The following TSEN54 variants were observed in gnomAD, a reference collection of about 807,000 sequenced individuals.
TSEN54 encodes tRNA splicing endonuclease subunit 54.
Under a neutral mutation model 61.9 loss-of-function variants are expected in TSEN54, and 55 were observed. That is an observed-to-expected ratio of 0.89 (90% CI 0.72 to 1.11). The LOEUF (loss-of-function observed/expected upper bound fraction) is 1.11, where lower values mean the gene tolerates loss of function less well. Among genes scored for constraint, TSEN54 ranks in the 50% most tolerant of loss-of-function variants. The probability of loss-of-function intolerance (pLI) is 0.00; values close to 1 mark genes in which losing one functional copy is unlikely to be tolerated. For missense variants in TSEN54, 760 were observed against 687.7 expected (o/e 1.11, Z -1.18); for synonymous variants, 304 against 288.7 (o/e 1.05, Z -0.54).
intron 6 of TSEN54, among the ~76,000 whole-genome samples, chr17:75,520,620 C>T (rs1167936130): frequency 6.7e-6 from 1 of 148,736 alleles, no homozygotes; most frequent in East Asian, 2.0e-4. Context: ...CCACCTGTCG[C>T]TAGTGGCTCT....
chr17:75,519,849 A>G (rs1277452808), intron 6 of TSEN54, among the ~76,000 whole-genome samples: 1 of 152,228 alleles, frequency 6.6e-6, no homozygotes, highest in African/African-American at 2.4e-5. Flanking sequence ...CTGGGATTAC[A>G]GGCATGAGTC....
At position 75,521,879 on chromosome 17, in the gene TSEN54, CAGCCCTGGCCCGGCCAGGG is replaced by C; in HGVS notation, c.801_819del (p.Ser267ArgfsTer69). On this transcript the variant is annotated frameshift_variant, in exon 8 of 11. Transcript: ENST00000333213. LOFTEE classifies it high-confidence loss of function. ...TTCAGCTTCTGGGGTCCCTGGGCCC[CAGCCCTGGCCCGGCCAGGG>C]AGGGGGTGGGGTGCAGCTGGGAGAG... is the stretch of plus-strand genomic sequence containing the variant. The C allele has an allele frequency of 6.2e-7, 1 of 1,610,538 alleles. No homozygotes were observed. The highest frequency in any genetic ancestry group is 1.7e-4 in the Middle Eastern group (1 of 6,060).
chr17:75,522,162 C>G lies in TSEN54; in HGVS notation c.1081C>G (p.Gln361Glu). The G allele has an allele frequency of 6.4e-7, 1 of 1,554,448 alleles. No individual in the cohort carries two copies. The highest frequency in any genetic ancestry group is 8.7e-7 in the Non-Finnish European group (1 of 1,147,532). Residue 361 changes from glutamine to glutamate, a missense_variant, in exon 8 of 11, where the codon CAG becomes GAG. This residue lies in a region of TSEN54 where 667 missense variants were observed against 577.8 expected (regional missense o/e 1.15). Transcript: ENST00000333213. Reference protein sequence around the residue: ...REREHHAEAAQFQEDVNADPE... With the variant: ...REREHHAEAAEFQEDVNADPE... ...ACGGGAGCACCACGCGGAGGCCGCGCAGTTCCAGGAAGATGTCAACGCCGA... is the reference window on the plus strand; with the variant it reads ...ACGGGAGCACCACGCGGAGGCCGCGGAGTTCCAGGAAGATGTCAACGCCGA...
chr17:75,519,440 T>C (rs2053405725), intron 6 of TSEN54, among the ~76,000 whole-genome samples: 1 of 152,236 alleles, frequency 6.6e-6, no homozygotes, highest in Non-Finnish European at 1.5e-5. Flanking sequence ...CCAGGTTAAA[T>C]GTTTTTTCCT....
rs781285249 is a variant in TSEN54 at position 75,516,837 on chromosome 17, G to C, written c.148G>C (p.Ala50Pro). ...PKDFLPDGSAAQAERLRRCRE... is the reference protein window; with the variant it reads ...PKDFLPDGSAPQAERLRRCRE... ...GGACTTTCTGCCCGACGGCTCGGCA[G>C]CTCAGGCCGAGCGGCTGCGCCGGTG... The change falls in exon 2 of 11, where the codon GCT becomes CCT. Residue 50 changes from alanine (A) to proline (P), a missense_variant. Physicochemically the swap from Ala to Pro is conservative, Grantham distance 27. This residue lies in a region of TSEN54 where 667 missense variants were observed against 577.8 expected (regional missense o/e 1.15). Transcript: ENST00000333213. 2.1e-5 allele frequency: 33 copies of C among 1,587,650 alleles called. No homozygotes were observed. Among genetic ancestry groups the C allele is most frequent in the East Asian group, 1.6e-4 (7 of 44,360 alleles).
chr17:75,519,784 G>A (rs2147010475), intron 6 of TSEN54, among the ~76,000 whole-genome samples: 1 of 151,948 alleles, frequency 6.6e-6, no homozygotes, highest in South Asian at 2.1e-4. Flanking sequence ...TGTTGCCCAG[G>A]CTGGTCTCGA....
chr17:75,521,588 C>G (rs1475879279), intron 7 of TSEN54, 78 bp downstream of exon 7: 9 of 1,573,392 alleles, frequency 5.7e-6, no homozygotes, highest in Non-Finnish European at 1.7e-6. Context: ...TTTCTAAGAA[C>G]CAGCAGCTCC....
At position 75,518,532 on chromosome 17, in the gene TSEN54, G is replaced by A. The variant is rs777350534; in HGVS notation, c.469-463G>A. 5.2e-4 allele frequency: 513 copies of A among 985,410 alleles called. 2 individuals carry two copies. The Middle Eastern group carries it at 0.01, about 20-fold the overall frequency. The allele number at this position is 985,410 out of a possible 1,614,324, so 61.0% of individuals were successfully genotyped here. ...CAGGATGGGGGACATTCTTATCTAT[G>A]TTCCTCTGATATGAATGCAGGGACA... On this transcript the variant is annotated intron_variant, in intron 5 of 10. Coordinates refer to ENST00000333213, the MANE Select transcript of TSEN54 (RefSeq NM_207346.3).
In TSEN54 at chr17:75,524,481, C is replaced by T. The variant is rs777761604; in HGVS notation, c.*69C>T. Reference sequence around the variant, plus strand: ...GACTGTCTGTTCTCAGGGACCATCTCGGCTGCCTCCTGTACCCAGACTCTA... The same window carrying T: ...GACTGTCTGTTCTCAGGGACCATCTTGGCTGCCTCCTGTACCCAGACTCTA... On this transcript the variant is annotated 3_prime_UTR_variant, in exon 11 of 11. Coordinates refer to ENST00000333213, the MANE Select transcript of TSEN54 (RefSeq NM_207346.3). The T allele has an allele frequency of 2.5e-6, 4 of 1,595,020 alleles. No individual in the cohort carries two copies. Among genetic ancestry groups the T allele is most frequent in the African/African-American group, 2.7e-5 (2 of 74,654 alleles).
chr17:75,522,325 G>A lies in TSEN54; in HGVS notation c.1244G>A (p.Ser415Asn). 6.5e-7 allele frequency: 1 copy of A among 1,545,174 alleles called. No homozygotes were observed. Among genetic ancestry groups the A allele is most frequent in the Non-Finnish European group, 8.7e-7 (1 of 1,146,832 alleles). ...VTPLLSPGQA[S>N]SPAVVLQHIS... ...CCGCTGCTGAGTCCTGGCCAGGCCA[G>A]CTCCCCAGGTACCCCCTCAGCCTGC... Residue 415 changes from serine to asparagine, a missense_variant, in exon 8 of 11, where the codon AGC becomes AAC. Ser to Asn is a conservative substitution (Grantham distance 46). Transcript: ENST00000333213.
Position 75,517,199 on chromosome 17 carries a change from C to A in TSEN54, c.324C>A (p.Gly108=). Reference sequence around the variant, plus strand: ...AGACCATGGGCTTCTCAGAGCAGGGCCGGCAGCGCCTTCACCCGGAAGAGG... The same window carrying A: ...AGACCATGGGCTTCTCAGAGCAGGGACGGCAGCGCCTTCACCCGGAAGAGG... The part of the protein sequence containing the change: ...FWQTMGFSEQ[G]RQRLHPEEAL... Residue 108 remains glycine (G), a synonymous_variant, in exon 4 of 11, where the codon GGC becomes GGA. Coordinates refer to ENST00000333213, the MANE Select transcript of TSEN54 (RefSeq NM_207346.3). The A allele has an allele frequency of 6.2e-7, 1 of 1,604,720 alleles. No homozygotes were observed. The highest frequency in any genetic ancestry group is 8.5e-7 in the Non-Finnish European group (1 of 1,175,796).
chr17:75,523,425 G>C (rs2053452705), intron 9 of TSEN54, 90 bp downstream of exon 9: 1 of 1,610,368 alleles, frequency 6.2e-7, no homozygotes, highest in Non-Finnish European at 8.5e-7. Flanking sequence ...GTGTAAACTA[G>C]AGGACTGTTC....
chr17:75,519,384 G>A (rs71382170), intron 6 of TSEN54, among the ~76,000 whole-genome samples: 7,084 of 152,278 alleles, frequency 0.047, 238 homozygotes, highest in Non-Finnish European at 0.069. Context: ...TTAAATGAAG[G>A]ACTGGGTGAA....
rs1169200316 is a variant in TSEN54 at position 75,521,392 on chromosome 17, C to T, written c.522-17C>T. The T allele has an allele frequency of 1.9e-6, 3 of 1,611,748 alleles. 1 individual carries two copies. In the South Asian group the frequency reaches 3.3e-5, roughly 18 times the overall value. Reference sequence around the variant, plus strand: ...AGGAGGTGGGTCAGTGGCCCACCCGCTGTTCTCACCCCACAGCTCTGTCCT... The same window carrying T: ...AGGAGGTGGGTCAGTGGCCCACCCGTTGTTCTCACCCCACAGCTCTGTCCT... On this transcript the variant is annotated splice_polypyrimidine_tract_variant and intron_variant, in intron 6 of 10. Transcript: ENST00000333213.
chr17:75,522,448 G>A, intron 8 of TSEN54, 115 bp downstream of exon 8: 2 of 1,521,860 alleles, frequency 1.3e-6, no homozygotes, highest in Non-Finnish European at 1.8e-6. Context: ...GATGTGGGAG[G>A]AGGGAGTGGA....
At position 75,518,474 on chromosome 17, in the gene TSEN54, T is replaced by G. The variant is rs1267162809; in HGVS notation, c.469-521T>G. 6 of 964,434 alleles carry G rather than the reference T, an allele frequency of 6.2e-6. No individual in the cohort carries two copies. In the African/African-American group the frequency reaches 1.1e-4, roughly 17 times the overall value. 59.7% of individuals were successfully genotyped at this position (964,434 alleles called of 1,614,324 possible). A position where few individuals can be genotyped will look rare whatever the true frequency, so the allele number is the denominator to read the frequency against. ...AAAAGAAGGTCTTTCAAGGAGGAAG[T>G]GGTTAGCTGTGCTAAAGCCTGCTGA... On this transcript the variant is annotated intron_variant, in intron 5 of 10. Transcript: ENST00000333213.
At position 75,524,619 on chromosome 17, in the gene TSEN54, C is replaced by G. The variant is rs1201417449; in HGVS notation, c.*207C>G. 1.4e-6 allele frequency: 1 copy of G among 701,606 alleles called. No individual in the cohort carries two copies. Among genetic ancestry groups the G allele is most frequent in the Admixed American group, 2.1e-5 (1 of 47,056 alleles). The allele number at this position is 701,606 out of a possible 1,614,324, so 43.5% of individuals were successfully genotyped here. ...GCCTTGCAGTGACCCCTCTGGAACT[C>G]AGGACTCGATTTTAAGGACCCAGGA... is the stretch of plus-strand genomic sequence containing the variant. On this transcript the variant is annotated 3_prime_UTR_variant, in exon 11 of 11. Transcript: ENST00000333213.
At position 75,521,776 on chromosome 17, in the gene TSEN54, CT is replaced by C. The variant is rs1568003197; in HGVS notation, c.696del (p.Cys234AlafsTer18). On this transcript the variant is annotated frameshift_variant, in exon 8 of 11. Coordinates refer to ENST00000333213, the MANE Select transcript of TSEN54 (RefSeq NM_207346.3). LOFTEE classifies it high-confidence loss of function. ...QPKSLAASSP[P>X]PCSQPSQCPE... is the part of the protein sequence containing the mutation. Reference sequence around the variant, plus strand: ...AAGAGTCTGGCAGCCTCCAGCCCACCTCCCTGCAGCCAGCCCAGCCAATGCC... The same window carrying C: ...AAGAGTCTGGCAGCCTCCAGCCCACCCCCTGCAGCCAGCCCAGCCAATGCC... 1.2e-6 allele frequency: 2 copies of C among 1,612,908 alleles called. No homozygotes were observed. Among genetic ancestry groups the C allele is most frequent in the African/African-American group, 2.7e-5 (2 of 75,034 alleles).
chr17:75,524,038 T>C (rs1367938163), intron 10 of TSEN54, among the ~76,000 whole-genome samples: 1 of 152,152 alleles, frequency 6.6e-6, no homozygotes, highest in Admixed American at 6.5e-5. Context: ...GGGATGTGGA[T>C]TGTGGGGATT....
Sources: gnomAD v4.1 joint callset for allele counts (sites outside exome capture counted in the v4.1 genomes callset) on GRCh38, gnomAD v4.1.1 for gene constraint, gnomAD v4.1.1 regional missense constraint, MANE v1.5 for transcripts, NCBI Gene and HGNC (gene_info 2026-07-23, HGNC 2026-07-21) for gene names.